Variants in PPP6R2 observed in about 807,000 individuals in gnomAD.
PPP6R2 encodes the protein serine/threonine-protein phosphatase 6 regulatory subunit 2.
In PPP6R2, 62 loss-of-function variants were observed where a neutral mutation model predicts 100.2. That is an observed-to-expected ratio of 0.62 (90% CI 0.50 to 0.76). PPP6R2 has a LOEUF of 0.76. Ranked by LOEUF, PPP6R2 falls within the 30% of genes least tolerant of loss-of-function variation. The pLI is 0.00. For missense variants in PPP6R2, 1,142 were observed against 1,276.3 expected, an observed-to-expected ratio of 0.89 and a Z score of 1.60; for synonymous variants, 525 against 514.7, an observed-to-expected ratio of 1.02 and a Z score of -0.27.
At chr22:50,373,363 T>C (rs1602553858) in intron 2 of PPP6R2, among the ~76,000 whole-genome samples, 1 of 147,700 alleles carries the variant, frequency 6.8e-6, no homozygotes. Flanking sequence ...TGCCTCAGCC[T>C]CCCGAGTAGC....
At position 50,444,628 on chromosome 22, in the gene PPP6R2, T is replaced by C; in HGVS notation, c.*381T>C. ...GAGGCTGTTTTTACAGTTTTTTTTT[T>C]GTTGTTGTTTTGTTTTTAAAGAATA... is the stretch of plus-strand genomic sequence containing the variant. On this transcript the variant is annotated 3_prime_UTR_variant, in exon 24 of 24. Coordinates refer to ENST00000612753, the MANE Select transcript of PPP6R2 (RefSeq NM_001242898.2). The C allele has an allele frequency of 4.5e-6, 1 of 223,908 alleles. No individual in the cohort carries two copies. The highest frequency in any genetic ancestry group is 8.7e-6 in the Non-Finnish European group (1 of 115,206). 13.9% of individuals were successfully genotyped at this position (223,908 alleles called of 1,614,324 possible). A position where few individuals can be genotyped will look rare whatever the true frequency, so the allele number is the denominator to read the frequency against.
chr22:50,339,747 ATGTGGTGGTG>A (rs2042348457), upstream of PPP6R2, among the ~76,000 whole-genome samples: 1 of 62,856 alleles, frequency 1.6e-5, no homozygotes, highest in South Asian at 5.6e-4. Context: ...GGTATATAGT[ATGTGGTGGTG>A]TGTGGTGTGT....
intron 1 of PPP6R2, among the ~76,000 whole-genome samples, chr22:50,369,096 G>A (rs1011756980): frequency 3.9e-5 from 6 of 151,990 alleles, no homozygotes; most frequent in African/African-American, 1.4e-4. Context: ...AAATTAGCTG[G>A]GTGTGGTGGT....
rs1259988512 is a variant in PPP6R2 at position 50,444,586 on chromosome 22, G to C, written c.*339G>C. ...GATGCCACCAGGACCTGATGGGCCAGGAAGGGCGTGGACATGGAGGCTGTT... is the reference window on the plus strand; with the variant it reads ...GATGCCACCAGGACCTGATGGGCCACGAAGGGCGTGGACATGGAGGCTGTT... On this transcript the variant is annotated 3_prime_UTR_variant, in exon 24 of 24. Coordinates refer to ENST00000612753, the MANE Select transcript of PPP6R2 (RefSeq NM_001242898.2). The C allele has an allele frequency of 6.4e-6, 2 of 312,930 alleles. No homozygotes were observed. The highest frequency in any genetic ancestry group is 4.9e-5 in the Admixed American group (1 of 20,288). The allele number at this position is 312,930 out of a possible 1,614,324, so 19.4% of individuals were successfully genotyped here. A position where few individuals can be genotyped will look rare whatever the true frequency, so the allele number is the denominator to read the frequency against.
chr22:50,339,796 TGGGGTATGTGTGTGTGGTGTGTGG>T (rs2042349959), upstream of PPP6R2, among the ~76,000 whole-genome samples: 1 of 71,836 alleles, frequency 1.4e-5, no homozygotes, highest in African/African-American at 1.0e-4. Context: ...GTGGTGTGTG[TGGGGTATGTGTGTGTGGTGTGTGG>T]GGTATGTAGT....
intron 3 of PPP6R2, 49 bp downstream of exon 3, chr22:50,394,184 C>G: frequency 6.3e-7 from 1 of 1,598,098 alleles, no homozygotes. Flanking sequence ...GTGCTGCAGG[C>G]AGGCCGCAGG....
chr22:50,387,656 C>G (rs9628217), intron 2 of PPP6R2, among the ~76,000 whole-genome samples: 1 of 152,144 alleles, frequency 6.6e-6, no homozygotes, highest in African/African-American at 2.4e-5. Flanking sequence ...GTAACACTTG[C>G]TGATTTCCAT....
chr22:50,351,420 A>G (rs868171440), intron 1 of PPP6R2, among the ~76,000 whole-genome samples: 1 of 149,876 alleles, frequency 6.7e-6, no homozygotes, highest in Non-Finnish European at 1.5e-5. Flanking sequence ...CAGCTGCATT[A>G]GCGAGTCAGC....
intron 12 of PPP6R2, 95 bp from the exon 13 acceptor site, chr22:50,434,871 G>A (rs1338444248): frequency 1.2e-5 from 13 of 1,102,924 alleles, no homozygotes; most frequent in Non-Finnish European, 1.5e-5. Flanking sequence ...GCTCTCCGAA[G>A]TGAACCTGGA....
chr22:50,396,946 C>T (rs2057021852), intron 3 of PPP6R2, among the ~76,000 whole-genome samples: 1 of 152,160 alleles, frequency 6.6e-6, no homozygotes, highest in Non-Finnish European at 1.5e-5. Flanking sequence ...CAGTCCCCAT[C>T]CCTCCCACTT....
At chr22:50,383,643 C>G (rs58398758) in intron 2 of PPP6R2, among the ~76,000 whole-genome samples, 1 of 152,148 alleles carries the variant, frequency 6.6e-6, no homozygotes, top group African/African-American at 2.4e-5. Context: ...TCCTCAGCTT[C>G]CTTCTTTCTT....
chr22:50,372,967 G>C (rs144464105), intron 2 of PPP6R2, among the ~76,000 whole-genome samples: 175 of 152,178 alleles, frequency 1.1e-3, no homozygotes, highest in African/African-American at 4.1e-3. Context: ...GATAGCAGGC[G>C]TGAGCCACCG....
chr22:50,420,086 C>T (rs2061113321), intron 8 of PPP6R2, among the ~76,000 whole-genome samples: 1 of 152,252 alleles, frequency 6.6e-6, no homozygotes, highest in South Asian at 2.1e-4. Context: ...CCTTTAATTG[C>T]TCCCAGTCTG....
At position 50,438,611 on chromosome 22, in the gene PPP6R2, C is replaced by G. The variant is rs746184398; in HGVS notation, c.1977C>G (p.Pro659=). ...GAATCTCCCCCAGGTTTGGAGCCCC[C>G]CATGCTTCAGAGAGTTGCTCAAAGA... ...RVMARPRFGA[P]HASESCSKNG... Residue 659 remains proline, a synonymous_variant, in exon 19 of 24, where the codon CCC becomes CCG. Transcript: ENST00000612753. 1.2e-6 allele frequency: 2 copies of G among 1,614,014 alleles called. No individual in the cohort carries two copies. The highest frequency in any genetic ancestry group is 1.7e-6 in the Non-Finnish European group (2 of 1,179,988).
At chr22:50,439,503 C>T (rs1223263884) in intron 19 of PPP6R2, among the ~76,000 whole-genome samples, 198 bp from the exon 20 acceptor site, 8 of 152,172 alleles carry the variant, frequency 5.3e-5, no homozygotes, top group Non-Finnish European at 7.4e-5. Flanking sequence ...CCATGGGTGT[C>T]GGCAGCTTGT....
intron 1 of PPP6R2, among the ~76,000 whole-genome samples, chr22:50,365,003 T>C (rs1438633650): frequency 6.6e-6 from 1 of 152,062 alleles, no homozygotes; most frequent in Admixed American, 6.6e-5. Flanking sequence ...TGATTCTCTT[T>C]GGGTCTTTGT....
chr22:50,346,866 TC>T lies in PPP6R2; in HGVS notation c.-148+3319del, dbSNP rs545700639. Among the ~76,000 whole-genome samples, 11 of 143,910 alleles carry T rather than the reference TC, an allele frequency of 7.6e-5. 1 individual carries two copies. In the South Asian group the frequency reaches 2.2e-3, roughly 28 times the overall value. The allele number at this position is 143,910 out of a possible 152,430, so 94.4% of individuals were successfully genotyped here. ...ATTTTCTTTCTGTCATGTCCCCACT[TC>T]CCATCAGTGCCTGCACCCCCACCCG... On this transcript the variant is annotated intron_variant, in intron 1 of 23. Coordinates refer to ENST00000612753, the MANE Select transcript of PPP6R2 (RefSeq NM_001242898.2).
intron 3 of PPP6R2, among the ~76,000 whole-genome samples, chr22:50,401,551 G>T (rs977926381): frequency 1.3e-4 from 19 of 146,216 alleles, no homozygotes; most frequent in Non-Finnish European, 2.4e-4. Context: ...TCGCTCTGTC[G>T]CCCAGGCTGG....
At chr22:50,427,175 C>T (rs554399179) in intron 10 of PPP6R2, among the ~76,000 whole-genome samples, 16 of 141,518 alleles carry the variant, frequency 1.1e-4, no homozygotes, top group East Asian at 4.6e-4. Context: ...GGCAACAGAG[C>T]GAGATTCCAT....
Sources: allele counts gnomAD v4.1 joint callset (sites outside exome capture counted in the v4.1 genomes callset), GRCh38; gene constraint gnomAD v4.1.1; transcripts MANE v1.5; gene names NCBI Gene and HGNC (gene_info 2026-07-23, HGNC 2026-07-21).